The following FSTL5 variants were observed in gnomAD, a reference collection of about 807,000 sequenced individuals.
The protein encoded by FSTL5 is follistatin like 5.
Under a neutral mutation model 89.1 loss-of-function variants are expected in FSTL5, and 62 were observed. That is an observed-to-expected ratio of 0.70 (90% CI 0.57 to 0.86). FSTL5 has a LOEUF of 0.86. Ranked by LOEUF, FSTL5 falls within the 40% of genes least tolerant of loss-of-function variation. The pLI, the probability that FSTL5 is intolerant of heterozygous loss-of-function variation, is 0.00. For synonymous variants in FSTL5, 383 were observed against 346.2 expected, an observed-to-expected ratio of 1.11 and a Z score of -1.18; for missense variants, 1,057 against 1,001.6, an observed-to-expected ratio of 1.06 and a Z score of -0.75.
In FSTL5 at chr4:161,395,087, G is replaced by C. The variant is rs1267236377; in HGVS notation, c.1842-8638C>G. Among the ~76,000 whole-genome samples the C allele has an allele frequency of 3.3e-5, 5 of 152,086 alleles. No individual in the cohort carries two copies. In the East Asian group the frequency reaches 9.6e-4, roughly 29 times the overall value. ...AAGCAGGTATTCTAAAAACCTGAGA[G>C]TGAACAAATTCTCCAGGTCAAGGCC... On this transcript the variant is annotated intron_variant, in intron 15 of 15. Transcript: ENST00000306100.
chr4:161,817,624 T>C (rs1730367597), intron 4 of FSTL5, among the ~76,000 whole-genome samples: 2 of 152,240 alleles, frequency 1.3e-5, no homozygotes, highest in South Asian at 4.1e-4. Context: ...TATTTAATAC[T>C]ATTTTTACAG....
intron 6 of FSTL5, among the ~76,000 whole-genome samples, chr4:161,691,992 T>C (rs905375117): frequency 1.3e-5 from 2 of 152,118 alleles, no homozygotes; most frequent in African/African-American, 4.8e-5. Context: ...AATAAATATA[T>C]ACATGTACCT....
intron 6 of FSTL5, among the ~76,000 whole-genome samples, chr4:161,731,378 G>A (rs968222967): frequency 1.3e-5 from 2 of 152,094 alleles, no homozygotes; most frequent in African/African-American, 4.8e-5. Context: ...GGGGCCTAAT[G>A]GGAGGTGATT....
At chr4:162,069,917 G>A (rs1203693684) in intron 2 of FSTL5, among the ~76,000 whole-genome samples, 1 of 151,800 alleles carries the variant, frequency 6.6e-6, no homozygotes, top group Non-Finnish European at 1.5e-5. Context: ...GTAGAGGATT[G>A]ATGAATCATA....
intron 1 of FSTL5, among the ~76,000 whole-genome samples, chr4:162,160,537 T>C (rs556613085): frequency 6.6e-6 from 1 of 151,896 alleles, no homozygotes; most frequent in African/African-American, 2.4e-5. Context: ...TTGAGCTTCA[T>C]AATATATTAA....
chr4:161,676,865 A>G (rs1737324478), intron 6 of FSTL5, among the ~76,000 whole-genome samples: 1 of 152,002 alleles, frequency 6.6e-6, no homozygotes, highest in African/African-American at 2.4e-5. Context: ...ATCAATAACC[A>G]TACATCAATT....
chr4:161,496,883 T>TA (rs1730105508), intron 12 of FSTL5, among the ~76,000 whole-genome samples: 1 of 151,904 alleles, frequency 6.6e-6, no homozygotes, highest in African/African-American at 2.4e-5. Flanking sequence ...GAGGTAGTGG[T>TA]AGCAGTAGAG....
chr4:161,467,739 T>A (rs533162865), intron 13 of FSTL5, among the ~76,000 whole-genome samples: 1 of 152,248 alleles, frequency 6.6e-6, no homozygotes, highest in East Asian at 1.9e-4. Flanking sequence ...AAGGGTGTGT[T>A]ATTTCACCCA....
At chr4:161,630,112 C>T (rs905049767) in intron 7 of FSTL5, among the ~76,000 whole-genome samples, 2 of 152,166 alleles carry the variant, frequency 1.3e-5, no homozygotes, top group Non-Finnish European at 2.9e-5. Flanking sequence ...GCCCTTACTC[C>T]TTCTTCCCCT....
intron 3 of FSTL5, among the ~76,000 whole-genome samples, chr4:162,012,170 T>C (rs1275694314): frequency 6.6e-6 from 1 of 152,172 alleles, no homozygotes; most frequent in East Asian, 1.9e-4. Flanking sequence ...AAACACAACT[T>C]TTGCAAACCC....
At chr4:161,980,779 T>TC (rs1735805115) in intron 3 of FSTL5, among the ~76,000 whole-genome samples, 1 of 140,006 alleles carries the variant, frequency 7.1e-6, no homozygotes, top group African/African-American at 2.7e-5. Flanking sequence ...TTTTTTTTTT[T>TC]TTTTTTTTTT....
chr4:161,530,208 A>C (rs899876635), intron 10 of FSTL5, among the ~76,000 whole-genome samples: 3 of 142,476 alleles, frequency 2.1e-5, no homozygotes, highest in Non-Finnish European at 4.6e-5. Flanking sequence ...CCATGTTTTA[A>C]TCTATTTTAG....
At chr4:161,567,387 C>A (rs1456469958) in intron 8 of FSTL5, among the ~76,000 whole-genome samples, 1 of 152,108 alleles carries the variant, frequency 6.6e-6, no homozygotes, top group Non-Finnish European at 1.5e-5. Context: ...CATGTTAAAT[C>A]TTTAAGATCA....
intron 2 of FSTL5, among the ~76,000 whole-genome samples, chr4:162,087,682 T>C (rs2111348848): frequency 6.6e-6 from 1 of 152,250 alleles, no homozygotes; most frequent in Non-Finnish European, 1.5e-5. Flanking sequence ...TTGTAGATCG[T>C]TGTTGACATA....
chr4:161,425,617 A>G (rs1358075170), intron 15 of FSTL5, among the ~76,000 whole-genome samples: 2 of 152,182 alleles, frequency 1.3e-5, no homozygotes, highest in East Asian at 1.9e-4. Flanking sequence ...GTCCTTGTGC[A>G]CTACCACAAG....
At chr4:161,718,548 C>T (rs1268270725) in intron 6 of FSTL5, among the ~76,000 whole-genome samples, 16 of 152,010 alleles carry the variant, frequency 1.1e-4, no homozygotes, top group Non-Finnish European at 2.1e-4. Context: ...CCTGCCTCAG[C>T]CTCCCAAGTA....
intron 2 of FSTL5, among the ~76,000 whole-genome samples, chr4:162,089,488 C>G (rs551733540): frequency 1.3e-4 from 20 of 151,676 alleles, no homozygotes; most frequent in Non-Finnish European, 2.1e-4. Context: ...TACAAAATAG[C>G]CAGACATGGT....
chr4:161,454,929 T>A, intron 15 of FSTL5, 75 bp downstream of exon 15: 1 of 1,403,634 alleles, frequency 7.1e-7, no homozygotes, highest in South Asian at 1.2e-5. Context: ...TCTAAGTTTC[T>A]TTACGATTTC....
Position 161,997,125 on chromosome 4 carries a change from G to A in FSTL5, c.160+36500C>T, listed in dbSNP as rs143338359. On this transcript the variant is annotated intron_variant, in intron 3 of 15. Coordinates refer to ENST00000306100, the MANE Select transcript of FSTL5 (RefSeq NM_020116.5). ...ATTACTACCTTGGTGAGGAGCAAAT[G>A]AAGTAGCTAAATTAAATGTTTAGCA... 2.5e-3 allele frequency among the ~76,000 whole-genome samples: 387 copies of A among 152,250 alleles called. 2 individuals carry two copies. The highest frequency in any genetic ancestry group is 8.8e-3 in the African/African-American group (366 of 41,568).
Sources: allele counts gnomAD v4.1 joint callset (sites outside exome capture counted in the v4.1 genomes callset), GRCh38; gene constraint gnomAD v4.1.1; transcripts MANE v1.5; gene names NCBI Gene and HGNC (gene_info 2026-07-23, HGNC 2026-07-21).